STX8: variants seen among roughly 807,000 people sequenced by gnomAD.
STX8 encodes the protein syntaxin 8.
STX8 carries 23 observed loss-of-function variants against 37.5 expected under a neutral mutation model. The ratio of observed to expected loss-of-function variants is 0.61; its 90% CI spans 0.44 to 0.87. STX8 has a LOEUF of 0.87. Ranked by LOEUF, STX8 falls within the 40% of genes least tolerant of loss-of-function variation. The probability of loss-of-function intolerance (pLI) is 0.00; values close to 1 mark genes in which losing one functional copy is unlikely to be tolerated. For missense variants in STX8, 313 were observed against 284.7 expected (o/e 1.10, Z -0.71); for synonymous variants, 115 against 99.1 (o/e 1.16, Z -0.95).
chr17:9,289,135 A>C (rs1033253401), intron 7 of STX8, among the ~76,000 whole-genome samples: 1 of 152,202 alleles, frequency 6.6e-6, no homozygotes, highest in African/African-American at 2.4e-5. Flanking sequence ...TGCCTCCAAA[A>C]TTTGGAGTGC....
intron 6 of STX8, among the ~76,000 whole-genome samples, chr17:9,445,465 T>C (rs895854928): frequency 3.4e-5 from 3 of 89,434 alleles, no homozygotes; most frequent in Middle Eastern, 5.5e-3. Flanking sequence ...TGGGTTTCTT[T>C]TAGAATGCGA....
At chr17:9,490,509 C>T (rs9908740) in intron 6 of STX8, among the ~76,000 whole-genome samples, 101,425 of 151,894 alleles carry the variant, frequency 0.67, 35,459 homozygotes, top group Middle Eastern at 0.84. Flanking sequence ...GTAGCTGTGA[C>T]TACAGGTGTG....
intron 4 of STX8, among the ~76,000 whole-genome samples, chr17:9,529,318 C>T (rs554398232): frequency 2.6e-5 from 4 of 152,182 alleles, no homozygotes; most frequent in East Asian, 3.9e-4. Flanking sequence ...TATGCATATG[C>T]ATGCAAATAT....
Position 9,293,470 on chromosome 17 carries a change from C to CT in STX8, c.644-42826dup, listed in dbSNP as rs111288273. Among the ~76,000 whole-genome samples the CT allele has an allele frequency of 4.1e-3, 598 of 144,842 alleles. 5 individuals carry two copies. Among genetic ancestry groups the CT allele is most frequent in the African/African-American group, 9.6e-3 (377 of 39,430 alleles). On this transcript the variant is annotated intron_variant, in intron 7 of 7. Coordinates refer to ENST00000306357, the MANE Select transcript of STX8 (RefSeq NM_004853.3). ...CACAGAAGATGTGGAATTTTAGAGA[C>CT]TTTTTTTTTTTTTAATGAGAACATT...
intron 6 of STX8, among the ~76,000 whole-genome samples, chr17:9,408,657 T>C (rs531216177): frequency 8.7e-4 from 133 of 152,310 alleles, no homozygotes; most frequent in Non-Finnish European, 1.7e-3. Context: ...CTGGCCTACG[T>C]GTTTAGTAAC....
At chr17:9,349,353 T>G (rs1427728260) in intron 7 of STX8, among the ~76,000 whole-genome samples, 1 of 142,820 alleles carries the variant, frequency 7.0e-6, no homozygotes, top group East Asian at 2.0e-4. Flanking sequence ...AGAGTTTTGC[T>G]CTTGTTGTCC....
intron 7 of STX8, among the ~76,000 whole-genome samples, chr17:9,334,331 G>A (rs373864070): frequency 2.6e-5 from 4 of 152,254 alleles, no homozygotes; most frequent in East Asian, 3.9e-4. Context: ...ATAATCTTGT[G>A]GTTAATGTTA....
At chr17:9,343,426 C>T (rs543393460) in intron 7 of STX8, among the ~76,000 whole-genome samples, 31 of 35,670 alleles carry the variant, frequency 8.7e-4, no homozygotes, top group Middle Eastern at 0.031. Context: ...ATCATTGTAA[C>T]TGTTTTCTCT....
chr17:9,471,989 G>C (rs909419655), intron 6 of STX8, among the ~76,000 whole-genome samples: 2 of 151,832 alleles, frequency 1.3e-5, no homozygotes, highest in Non-Finnish European at 2.9e-5. Flanking sequence ...ATGTTCCTGA[G>C]GGAGACATGT....
chr17:9,463,987 A>G (rs1905506115), intron 6 of STX8, among the ~76,000 whole-genome samples: 1 of 152,158 alleles, frequency 6.6e-6, no homozygotes, highest in Non-Finnish European at 1.5e-5. Flanking sequence ...AGGCAAGAGA[A>G]TTGCTTAAAC....
chr17:9,458,819 A>G (rs1419889184), intron 6 of STX8, among the ~76,000 whole-genome samples: 5 of 136,200 alleles, frequency 3.7e-5, no homozygotes, highest in African/African-American at 1.4e-4. Context: ...AAATCACTCC[A>G]GTTATTTAAT....
At chr17:9,515,492 T>TTCTC (rs142393139) in intron 4 of STX8, among the ~76,000 whole-genome samples, 1,769 of 149,832 alleles carry the variant, frequency 0.012, 32 homozygotes, top group African/African-American at 0.04. Context: ...TTTGAAGTCT[T>TTCTC]TCTCTCTCTC....
At chr17:9,472,245 C>T (rs924965570) in intron 6 of STX8, among the ~76,000 whole-genome samples, 5 of 152,344 alleles carry the variant, frequency 3.3e-5, no homozygotes, top group Non-Finnish European at 5.9e-5. Flanking sequence ...CAGGGCATCA[C>T]CTTGTTCAAC....
At chr17:9,271,436 G>C (rs1266148105) in intron 7 of STX8, among the ~76,000 whole-genome samples, 2 of 152,080 alleles carry the variant, frequency 1.3e-5, no homozygotes, top group Middle Eastern at 3.2e-3. Flanking sequence ...CTGGGTGACA[G>C]AGTGAGACCC....
At chr17:9,269,334 G>A (rs1217075166) in intron 7 of STX8, among the ~76,000 whole-genome samples, 3 of 152,158 alleles carry the variant, frequency 2.0e-5, no homozygotes, top group South Asian at 4.2e-4. Flanking sequence ...CCCTTAAGAC[G>A]CTCCAGCGTA....
At chr17:9,476,647 T>C (rs1906117828) in intron 6 of STX8, among the ~76,000 whole-genome samples, 2 of 151,934 alleles carry the variant, frequency 1.3e-5, no homozygotes, top group Admixed American at 1.3e-4. Flanking sequence ...GAGATGGGGT[T>C]TCACCATGCT....
At chr17:9,444,135 G>A (rs180727876) in intron 6 of STX8, among the ~76,000 whole-genome samples, 5 of 134,074 alleles carry the variant, frequency 3.7e-5, no homozygotes, top group East Asian at 2.2e-4. Flanking sequence ...ACACACTTTC[G>A]CACATTCTTC....
At chr17:9,357,489 G>A (rs1910925697) in intron 7 of STX8, among the ~76,000 whole-genome samples, 1 of 151,898 alleles carries the variant, frequency 6.6e-6, no homozygotes, top group East Asian at 2.0e-4. Flanking sequence ...TCAGGAGTTT[G>A]AGAACAGCCT....
chr17:9,382,138 A>T (rs576688591), intron 6 of STX8, among the ~76,000 whole-genome samples: 78 of 151,992 alleles, frequency 5.1e-4, no homozygotes, highest in African/African-American at 1.8e-3. Flanking sequence ...TCAGCTCTAA[A>T]GCAATAACTT....
Sources: gnomAD v4.1 joint callset for allele counts (sites outside exome capture counted in the v4.1 genomes callset) on GRCh38, gnomAD v4.1.1 for gene constraint, MANE v1.5 for transcripts, NCBI Gene and HGNC (gene_info 2026-07-23, HGNC 2026-07-21) for gene names.